Variants in KNTC1 observed in about 807,000 individuals in gnomAD.
KNTC1 encodes kinetochore-associated protein 1.
KNTC1 carries 253 observed loss-of-function variants against 314.4 expected under a neutral mutation model. The observed-to-expected ratio is 0.80, with a 90% CI of 0.73 to 0.89. The LOEUF is 0.89. KNTC1 is among the 40% of genes least tolerant of loss of function. The pLI is 0.00. For missense variants in KNTC1, 2,475 were observed against 2,572.9 expected (o/e 0.96, Z 0.82); for synonymous variants, 901 against 901.4 (o/e 1.00, Z 0.01).
chr12:122,571,133 T>C lies in KNTC1; in HGVS notation c.2019+7T>C, dbSNP rs200047305. On this transcript the variant is annotated splice_region_variant and intron_variant, in intron 24 of 63. Transcript: ENST00000333479. ...CTGGCATTGGATTTCCTTGGTATGA[T>C]GTGAGAATGGATTTTTAGTAATGAA... 8.5e-4 allele frequency: 1,355 copies of C among 1,599,438 alleles called. 2 individuals carry two copies. The highest frequency in any genetic ancestry group is 1.4e-3 in the South Asian group (128 of 90,698).
At chr12:122,574,485 G>C in intron 27 of KNTC1, 105 bp downstream of exon 27, 1 of 674,356 alleles carries the variant, frequency 1.5e-6, no homozygotes, top group South Asian at 1.9e-5. Context: ...TGTTTGAGAT[G>C]GGTCTGGCTG....
chr12:122,596,330 G>A (rs1206519307), intron 43 of KNTC1, among the ~76,000 whole-genome samples: 3 of 151,692 alleles, frequency 2.0e-5, no homozygotes, highest in African/African-American at 2.4e-5. Flanking sequence ...CAATCCACCC[G>A]TCTCGACCTC....
chr12:122,603,033 C>A lies in KNTC1; in HGVS notation c.4891C>A (p.Leu1631Met). Reference protein sequence around the residue: ...LLISKLMKFSLDTLYVSTAKH... With the variant: ...LLISKLMKFSMDTLYVSTAKH... ...ACCTTCCTTTTCTTTGAAGTTCTCT[C>A]TGGACACTCTGTACGTGTCTACAGC... The change falls in exon 48 of 64, where the codon CTG (leucine) becomes ATG (methionine). Residue 1631 changes from leucine to methionine, a missense_variant. Physicochemically the swap from Leu to Met is conservative, Grantham distance 15 (BLOSUM62 2). Coordinates refer to ENST00000333479, the MANE Select transcript of KNTC1 (RefSeq NM_014708.6). The A allele has an allele frequency of 6.2e-7, 1 of 1,613,298 alleles. No homozygotes were observed. The highest frequency in any genetic ancestry group is 2.2e-5 in the East Asian group (1 of 44,886).
At chr12:122,625,307 G>A (rs1055221842) in intron 63 of KNTC1, among the ~76,000 whole-genome samples, 1 of 152,126 alleles carries the variant, frequency 6.6e-6, no homozygotes, top group Non-Finnish European at 1.5e-5. Flanking sequence ...GGAGGCTGAG[G>A]CAGGAGAATT....
chr12:122,584,541 C>T lies in KNTC1; in HGVS notation c.3436+91C>T, dbSNP rs1213743870. ...GCTGTCTCTTTACAATTGGACATCA[C>T]GGTAATCAGACTAGAGATAGTATCT... On this transcript the variant is annotated intron_variant, in intron 35 of 63. Coordinates refer to ENST00000333479, the MANE Select transcript of KNTC1 (RefSeq NM_014708.6). 3.5e-5 allele frequency: 31 copies of T among 891,140 alleles called. 1 individual carries two copies. The Admixed American group carries it at 4.1e-4, about 12-fold the overall frequency. 55.2% of individuals were successfully genotyped at this position (891,140 alleles called of 1,614,324 possible).
At position 122,585,666 on chromosome 12, in the gene KNTC1, G is replaced by C. The variant is rs533594471; in HGVS notation, c.3565G>C (p.Glu1189Gln). The C allele has an allele frequency of 2.5e-6, 4 of 1,613,910 alleles. No homozygotes were observed. In the African/African-American group the frequency reaches 4.0e-5, roughly 16 times the overall value. The change falls in exon 37 of 64, where the codon GAA (glutamate) becomes CAA (glutamine). Residue 1189 changes from glutamate to glutamine, a missense_variant. Physicochemically the swap from Glu to Gln is conservative, Grantham distance 29 (BLOSUM62 2). Coordinates refer to ENST00000333479, the MANE Select transcript of KNTC1 (RefSeq NM_014708.6). ...ASFGTHKDPY[E>Q]EWSYSDFFSE... ...TTTTGGGACACATAAAGATCCATAT[G>C]AAGAGTGGTCTTACAGTGACTTCTT...
intron 31 of KNTC1, among the ~76,000 whole-genome samples, chr12:122,578,411 G>T (rs866044012): frequency 1.4e-4 from 21 of 151,516 alleles, no homozygotes; most frequent in Middle Eastern, 3.4e-3. Context: ...TCAATAGTTG[G>T]GTTTTTTTTT....
At chr12:122,548,129 A>G (rs1212629002) in intron 12 of KNTC1, among the ~76,000 whole-genome samples, 160 bp downstream of exon 12, 1 of 152,222 alleles carries the variant, frequency 6.6e-6, no homozygotes, top group African/African-American at 2.4e-5. Context: ...TAAAGTAAAA[A>G]GCTGTAAATC....
chr12:122,576,554 G>C (rs532312049), intron 29 of KNTC1, among the ~76,000 whole-genome samples: 1 of 152,212 alleles, frequency 6.6e-6, no homozygotes, highest in East Asian at 2.0e-4. Flanking sequence ...GGTGGCATGT[G>C]CCTGTAGTCC....
intron 3 of KNTC1, among the ~76,000 whole-genome samples, chr12:122,535,572 G>A (rs912664633): frequency 6.6e-6 from 1 of 152,090 alleles, no homozygotes; most frequent in African/African-American, 2.4e-5. Context: ...GAACCTGGGA[G>A]GTGGAGGTTG....
intron 33 of KNTC1, among the ~76,000 whole-genome samples, chr12:122,581,172 G>T (rs1345197966): frequency 1.3e-5 from 2 of 150,366 alleles, no homozygotes; most frequent in African/African-American, 2.5e-5. Context: ...ACAATTCAAT[G>T]ATTTTTTTGT....
intron 40 of KNTC1, among the ~76,000 whole-genome samples, chr12:122,589,884 C>T (rs200628561): frequency 1.4e-5 from 2 of 147,884 alleles, no homozygotes; most frequent in African/African-American, 2.5e-5. Flanking sequence ...CCCAGGTTCA[C>T]GCCATTCTCC....
chr12:122,574,509 G>A, intron 27 of KNTC1, 129 bp downstream of exon 27: 1 of 601,954 alleles, frequency 1.7e-6, no homozygotes, highest in Non-Finnish European at 2.9e-6. Flanking sequence ...CGCCCAGGCT[G>A]GAATGCAGTG....
At chr12:122,570,809 C>CGTGG in intron 22 of KNTC1, 67 bp from the exon 23 acceptor site, 4 of 987,030 alleles carry the variant, frequency 4.1e-6, no homozygotes, top group Non-Finnish European at 6.1e-6. Flanking sequence ...AAAAAGAAAT[C>CGTGG]GTGGAGGTTT....
intron 16 of KNTC1, among the ~76,000 whole-genome samples, chr12:122,554,754 T>G (rs1339649638): frequency 6.6e-6 from 1 of 152,190 alleles, no homozygotes; most frequent in East Asian, 1.9e-4. Flanking sequence ...TTTATAGTTT[T>G]CAGAACCAGA....
chr12:122,577,526 G>T lies in KNTC1; in HGVS notation c.2722-146G>T, dbSNP rs1383413490. The T allele has an allele frequency of 3.5e-6, 3 of 846,832 alleles. No homozygotes were observed. The African/African-American group carries it at 5.2e-5, about 15-fold the overall frequency. The allele number at this position is 846,832 out of a possible 1,614,324, so 52.5% of individuals were successfully genotyped here. A position where few individuals can be genotyped will look rare whatever the true frequency, so the allele number is the denominator to read the frequency against. On this transcript the variant is annotated intron_variant, in intron 30 of 63. Transcript: ENST00000333479. Reference sequence around the variant, plus strand: ...ACTTAAAGTAAAATAAAATAAAAATGGATTTTCGGATTATTAAAACATTGA... The same window carrying T: ...ACTTAAAGTAAAATAAAATAAAAATTGATTTTCGGATTATTAAAACATTGA...
chr12:122,623,614 C>T (rs1305450065), intron 62 of KNTC1, among the ~76,000 whole-genome samples: 2 of 152,092 alleles, frequency 1.3e-5, no homozygotes, highest in Non-Finnish European at 2.9e-5. Flanking sequence ...ACCTATAAAG[C>T]CATCACCACA....
chr12:122,542,780 T>C (rs1462786751), intron 6 of KNTC1, among the ~76,000 whole-genome samples: 4 of 151,858 alleles, frequency 2.6e-5, no homozygotes, highest in African/African-American at 9.7e-5. Context: ...AAAAAATATA[T>C]AGTGCAGAAC....
chr12:122,626,155 GA>G (rs1343119050), intron 63 of KNTC1, 49 bp from the exon 64 acceptor site: 1 of 1,365,506 alleles, frequency 7.3e-7, no homozygotes, highest in Non-Finnish European at 1.0e-6. Flanking sequence ...TTTTCAATTT[GA>G]AAAACTAAGT....
Sources: allele counts gnomAD v4.1 joint callset (sites outside exome capture counted in the v4.1 genomes callset), GRCh38; gene constraint gnomAD v4.1.1; transcripts MANE v1.5; gene names NCBI Gene and HGNC (gene_info 2026-07-23, HGNC 2026-07-21).